KCNJ3: variants seen among roughly 807,000 people sequenced by gnomAD.
The protein encoded by KCNJ3 is G protein-activated inward rectifier potassium channel 1.
A neutral mutation model predicts 39.2 loss-of-function variants in KCNJ3; 4 were observed. That is an observed-to-expected ratio of 0.10 (90% CI 0.05 to 0.23). The LOEUF (loss-of-function observed/expected upper bound fraction) is 0.23, where lower values mean the gene tolerates loss of function less well. Ranked by LOEUF, KCNJ3 falls within the 10% of genes least tolerant of loss-of-function variation. KCNJ3 has a pLI of 1.00. For synonymous variants in KCNJ3, 230 were observed against 237.4 expected, an observed-to-expected ratio of 0.97 and a Z score of 0.29; for missense variants, 276 against 634.9, an observed-to-expected ratio of 0.43 and a Z score of 6.08.
chr2:154,803,517 C>T (rs901516188), intron 2 of KCNJ3, among the ~76,000 whole-genome samples: 2 of 150,698 alleles, frequency 1.3e-5, no homozygotes, highest in Non-Finnish European at 3.0e-5. Context: ...AGTATGATGG[C>T]AAAAGAATAA....
At chr2:154,836,139 G>A (rs11893468) in intron 2 of KCNJ3, among the ~76,000 whole-genome samples, 6,956 of 151,406 alleles carry the variant, frequency 0.046, 203 homozygotes, top group African/African-American at 0.06. Context: ...GAACTCAGGA[G>A]GCGGAGGTTG....
Position 154,840,958 on chromosome 2 carries a change from T to G in KCNJ3, c.920-13769T>G, listed in dbSNP as rs191109231. Among the ~76,000 whole-genome samples the G allele has an allele frequency of 2.1e-4, 32 of 152,294 alleles. No homozygotes were observed. In the East Asian group the frequency reaches 6.2e-3, roughly 29 times the overall value. On this transcript the variant is annotated intron_variant, in intron 2 of 2. Coordinates refer to ENST00000295101, the MANE Select transcript of KCNJ3 (RefSeq NM_002239.4). ...CTTTCCTGATTGCCCTGGCCAGAAC[T>G]TCCAACCCTATGTTGAACAGGAGTG...
chr2:154,822,743 TTAAAA>T (rs1422606494), intron 2 of KCNJ3, among the ~76,000 whole-genome samples: 2 of 152,074 alleles, frequency 1.3e-5, no homozygotes, highest in East Asian at 3.9e-4. Context: ...GCTCAAATTA[TTAAAA>T]TAGAATATAT....
intron 2 of KCNJ3, among the ~76,000 whole-genome samples, chr2:154,745,569 C>T (rs1309829699): frequency 3.3e-5 from 5 of 151,604 alleles, no homozygotes; most frequent in Admixed American, 1.3e-4. Context: ...TCTTTGTTGC[C>T]ACTATTTTGC....
intron 2 of KCNJ3, among the ~76,000 whole-genome samples, chr2:154,763,205 A>G (rs1380340548): frequency 6.6e-6 from 1 of 152,200 alleles, no homozygotes; most frequent in East Asian, 1.9e-4. Flanking sequence ...TATGCTGCTA[A>G]CAGAATTAAT....
intron 2 of KCNJ3, among the ~76,000 whole-genome samples, chr2:154,821,160 T>G (rs1687166154): frequency 6.6e-6 from 1 of 152,190 alleles, no homozygotes; most frequent in Non-Finnish European, 1.5e-5. Flanking sequence ...CATTAGACAT[T>G]GACAGTTTTC....
intron 2 of KCNJ3, among the ~76,000 whole-genome samples, chr2:154,715,757 GTTACTGATCTACACCA>G (rs1685170507): frequency 7.4e-6 from 1 of 135,100 alleles, no homozygotes. Flanking sequence ...TTCGTGTCAA[GTTACTGATCTACACCA>G]TTACTGATTT....
chr2:154,854,643 G>C (rs1687808611), intron 2 of KCNJ3, 84 bp from the exon 3 acceptor site: 3 of 955,876 alleles, frequency 3.1e-6, no homozygotes, highest in Non-Finnish European at 4.7e-6. Flanking sequence ...AGATAAGAAA[G>C]TGAAATGAAT....
intron 2 of KCNJ3, among the ~76,000 whole-genome samples, chr2:154,786,866 G>A (rs375776081): frequency 3.3e-5 from 5 of 152,228 alleles, no homozygotes; most frequent in African/African-American, 9.6e-5. Flanking sequence ...TGAATTAGAC[G>A]TGGACTCTCA....
intron 2 of KCNJ3, among the ~76,000 whole-genome samples, chr2:154,768,226 A>G (rs942562308): frequency 2.0e-5 from 3 of 152,188 alleles, no homozygotes; most frequent in Non-Finnish European, 4.4e-5. Context: ...TTTTGTTGCC[A>G]TTGCATTTGG....
intron 2 of KCNJ3, among the ~76,000 whole-genome samples, chr2:154,810,438 C>T (rs1686989711): frequency 6.6e-6 from 1 of 151,994 alleles, no homozygotes; most frequent in Admixed American, 6.6e-5. Flanking sequence ...AAGACAAGAA[C>T]ACTTTTGGAA....
chr2:154,756,573 A>G (rs918422826), intron 2 of KCNJ3, among the ~76,000 whole-genome samples: 1 of 128,374 alleles, frequency 7.8e-6, no homozygotes, highest in African/African-American at 3.0e-5. Flanking sequence ...CCCTGTGTCC[A>G]TGTGTTCTCA....
At chr2:154,737,876 A>G (rs1685575490) in intron 2 of KCNJ3, among the ~76,000 whole-genome samples, 1 of 152,182 alleles carries the variant, frequency 6.6e-6, no homozygotes. Context: ...TCCAAATTTA[A>G]TGAAAACTAA....
At chr2:154,758,293 C>A (rs1040298558) in intron 2 of KCNJ3, among the ~76,000 whole-genome samples, 1 of 151,944 alleles carries the variant, frequency 6.6e-6, no homozygotes, top group Non-Finnish European at 1.5e-5. Flanking sequence ...ACATTAAATG[C>A]AATTGAATAA....
intron 2 of KCNJ3, among the ~76,000 whole-genome samples, chr2:154,765,400 T>C (rs1320471184): frequency 6.6e-6 from 1 of 152,194 alleles, no homozygotes. Context: ...GGAATATTTA[T>C]ATACATATTT....
chr2:154,736,393 A>ACCT (rs1558860213), intron 2 of KCNJ3, among the ~76,000 whole-genome samples: 7 of 47,406 alleles, frequency 1.5e-4, no homozygotes, highest in Non-Finnish European at 2.0e-4. Context: ...AAAAAAAAAA[A>ACCT]AAAAAAAAAA....
intron 2 of KCNJ3, among the ~76,000 whole-genome samples, chr2:154,808,070 A>C (rs764414195): frequency 3.3e-5 from 5 of 151,808 alleles, no homozygotes; most frequent in Non-Finnish European, 7.4e-5. Flanking sequence ...GAAGAGGGAT[A>C]AGGGCATTTA....
chr2:154,718,229 A>G (rs1315706854), intron 2 of KCNJ3, among the ~76,000 whole-genome samples: 1 of 149,672 alleles, frequency 6.7e-6, no homozygotes, highest in African/African-American at 2.6e-5. Flanking sequence ...TCTCTTTAAG[A>G]TATATCTTAT....
At chr2:154,750,152 A>T (rs1258025836) in intron 2 of KCNJ3, among the ~76,000 whole-genome samples, 2 of 152,078 alleles carry the variant, frequency 1.3e-5, no homozygotes, top group Non-Finnish European at 2.9e-5. Flanking sequence ...AATATTAAAG[A>T]ATAGATTATG....
Sources: gnomAD v4.1 joint callset for allele counts (sites outside exome capture counted in the v4.1 genomes callset) on GRCh38, gnomAD v4.1.1 for gene constraint, MANE v1.5 for transcripts, NCBI Gene and HGNC (gene_info 2026-07-23, HGNC 2026-07-21) for gene names.